The following CCSER1 variants were observed in gnomAD, a reference collection of about 807,000 sequenced individuals.
The protein encoded by CCSER1 is coiled-coil serine rich protein 1.
Under a neutral mutation model 82.0 loss-of-function variants are expected in CCSER1, and 41 were observed. The observed-to-expected ratio is 0.50, with a 90% CI of 0.39 to 0.65. CCSER1 has a LOEUF of 0.65. CCSER1 is among the 30% of genes least tolerant of loss of function. CCSER1 has a pLI of 0.00. For missense variants in CCSER1, 1,119 were observed against 1,064.2 expected (o/e 1.05, Z -0.72); for synonymous variants, 414 against 383.9 (o/e 1.08, Z -0.92).
intron 10 of CCSER1, among the ~76,000 whole-genome samples, chr4:91,331,757 C>A (rs1171207846): frequency 6.6e-6 from 1 of 152,072 alleles, no homozygotes; most frequent in Non-Finnish European, 1.5e-5. Context: ...TTGTAAGCTC[C>A]ATCAACACAG....
At chr4:90,974,483 G>A (rs978970969) in intron 9 of CCSER1, among the ~76,000 whole-genome samples, 2 of 150,206 alleles carry the variant, frequency 1.3e-5, no homozygotes, top group South Asian at 4.2e-4. Context: ...TCAAGAAAGT[G>A]AAAATACAGC....
intron 7 of CCSER1, among the ~76,000 whole-genome samples, chr4:90,786,567 T>G (rs1754546864): frequency 6.6e-6 from 1 of 152,206 alleles, no homozygotes; most frequent in Non-Finnish European, 1.5e-5. Flanking sequence ...GTCATAATTT[T>G]GCATATTTTC....
intron 10 of CCSER1, among the ~76,000 whole-genome samples, chr4:91,442,951 A>G (rs1164118446): frequency 1.3e-5 from 2 of 152,188 alleles, no homozygotes; most frequent in Non-Finnish European, 2.9e-5. Flanking sequence ...TAGAATGGCA[A>G]TCATTAAAAA....
At chr4:90,582,600 C>T (rs1342229277) in intron 5 of CCSER1, among the ~76,000 whole-genome samples, 1 of 152,190 alleles carries the variant, frequency 6.6e-6, no homozygotes, top group South Asian at 2.1e-4. Flanking sequence ...CAGTCAAACA[C>T]AGGTTCTTAA....
At chr4:90,463,490 A>G (rs1763213395) in intron 4 of CCSER1, among the ~76,000 whole-genome samples, 1 of 151,600 alleles carries the variant, frequency 6.6e-6, no homozygotes, top group Non-Finnish European at 1.5e-5. Context: ...GAGTAAATGC[A>G]CAGTTAGTGC....
At chr4:90,717,545 C>A (rs1161726928) in intron 6 of CCSER1, among the ~76,000 whole-genome samples, 2 of 151,966 alleles carry the variant, frequency 1.3e-5, no homozygotes, top group African/African-American at 4.8e-5. Flanking sequence ...GGAATATGCA[C>A]CACTTAGAGA....
chr4:90,835,295 C>A (rs1376413379), intron 8 of CCSER1, among the ~76,000 whole-genome samples: 2 of 152,162 alleles, frequency 1.3e-5, no homozygotes, highest in Non-Finnish European at 2.9e-5. Context: ...GACGCCACTG[C>A]ACTCTAGCCC....
chr4:90,246,391 A>G (rs1721405402), intron 1 of CCSER1, among the ~76,000 whole-genome samples: 1 of 152,150 alleles, frequency 6.6e-6, no homozygotes, highest in African/African-American at 2.4e-5. Context: ...TGCTGACTAA[A>G]ATACAAAGTT....
chr4:90,730,624 G>A (rs1320026154), intron 7 of CCSER1, among the ~76,000 whole-genome samples: 19 of 152,220 alleles, frequency 1.2e-4, no homozygotes, highest in Admixed American at 9.2e-4. Flanking sequence ...AAAGTAAAGC[G>A]CAATATGAAG....
At chr4:90,295,948 T>C (rs1461311503) in intron 1 of CCSER1, among the ~76,000 whole-genome samples, 1 of 152,060 alleles carries the variant, frequency 6.6e-6, no homozygotes, top group Non-Finnish European at 1.5e-5. Flanking sequence ...TGATGACATT[T>C]TTTTTGAAAT....
chr4:91,052,900 AATAAG>A (rs1236557023), intron 9 of CCSER1, among the ~76,000 whole-genome samples: 2 of 152,158 alleles, frequency 1.3e-5, no homozygotes, highest in African/African-American at 4.8e-5. Context: ...TATGAAGCTT[AATAAG>A]ATAAGAATAG....
intron 10 of CCSER1, among the ~76,000 whole-genome samples, chr4:91,492,006 A>G (rs910504887): frequency 6.7e-6 from 1 of 149,806 alleles, no homozygotes; most frequent in African/African-American, 2.4e-5. Context: ...GCTTCTATTA[A>G]GAAAAATAAA....
At chr4:91,256,768 G>C (rs1740722047) in intron 10 of CCSER1, among the ~76,000 whole-genome samples, 2 of 152,120 alleles carry the variant, frequency 1.3e-5, no homozygotes, top group Non-Finnish European at 2.9e-5. Flanking sequence ...ATGTTAATTA[G>C]TGAAATAATC....
intron 10 of CCSER1, among the ~76,000 whole-genome samples, chr4:91,299,988 T>C (rs1372861961): frequency 6.6e-6 from 1 of 151,936 alleles, no homozygotes; most frequent in Non-Finnish European, 1.5e-5. Flanking sequence ...ATTGCCAAGT[T>C]AGCAGCTCGG....
intron 10 of CCSER1, among the ~76,000 whole-genome samples, chr4:91,549,595 A>C (rs1578762171): frequency 6.6e-6 from 1 of 152,094 alleles, no homozygotes; most frequent in South Asian, 2.1e-4. Flanking sequence ...CCAGCACTTT[A>C]GGAGGCAGAG....
intron 4 of CCSER1, among the ~76,000 whole-genome samples, chr4:90,415,372 C>T (rs547640450): frequency 1.3e-5 from 2 of 152,194 alleles, no homozygotes; most frequent in East Asian, 1.9e-4. Flanking sequence ...TTATAAGGAA[C>T]GTACTTAATT....
intron 10 of CCSER1, among the ~76,000 whole-genome samples, chr4:91,276,988 C>G (rs1287061138): frequency 4.6e-5 from 7 of 151,966 alleles, no homozygotes; most frequent in Non-Finnish European, 1.0e-4. Context: ...TAGTCTTGCA[C>G]TGCTGGGATA....
At chr4:90,442,863 C>T (rs934289332) in intron 4 of CCSER1, among the ~76,000 whole-genome samples, 5 of 152,064 alleles carry the variant, frequency 3.3e-5, no homozygotes, top group East Asian at 1.9e-4. Context: ...GAGAGAGTGC[C>T]GGTCCTTGGT....
intron 5 of CCSER1, among the ~76,000 whole-genome samples, chr4:90,606,660 C>T (rs1465471493): frequency 1.3e-5 from 2 of 152,070 alleles, no homozygotes; most frequent in African/African-American, 4.8e-5. Flanking sequence ...TGCATCATTT[C>T]ATAGCAAATC....
Sources: allele counts gnomAD v4.1 joint callset (sites outside exome capture counted in the v4.1 genomes callset), GRCh38; gene constraint gnomAD v4.1.1; transcripts MANE v1.5; gene names NCBI Gene and HGNC (gene_info 2026-07-23, HGNC 2026-07-21).